Variants in FLI1 observed in about 807,000 individuals in gnomAD.
FLI1 encodes the protein Friend leukemia integration 1 transcription factor.
FLI1 carries 13 observed loss-of-function variants against 53.1 expected under a neutral mutation model. The ratio of observed to expected loss-of-function variants is 0.24; its 90% CI spans 0.16 to 0.39. FLI1 has a LOEUF of 0.39. Among genes scored for constraint, FLI1 ranks in the 10% least tolerant of loss-of-function variants. The probability of loss-of-function intolerance (pLI) is 1.00; values close to 1 mark genes in which losing one functional copy is unlikely to be tolerated. For missense variants in FLI1, 424 were observed against 600.5 expected (o/e 0.71, Z 3.07); for synonymous variants, 244 against 236.7 (o/e 1.03, Z -0.28).
Position 128,805,442 on chromosome 11 carries a change from G to A in FLI1, c.721+11G>A, listed in dbSNP as rs369329890. On this transcript the variant is annotated intron_variant, in intron 6 of 8. Transcript: ENST00000527786. Reference sequence around the variant, plus strand: ...CTGGCCTCAACAAAAGTAAGTAAATGTTTTATAGTTCTTTGGAGGAAAGCA... The same window carrying A: ...CTGGCCTCAACAAAAGTAAGTAAATATTTTATAGTTCTTTGGAGGAAAGCA... 2.7e-4 allele frequency: 415 copies of A among 1,519,700 alleles called. 1 individual carries two copies. The highest frequency in any genetic ancestry group is 5.5e-4 in the Admixed American group (29 of 52,530). 94.1% of individuals were successfully genotyped at this position (1,519,700 alleles called of 1,614,324 possible).
At chr11:128,727,780 C>A (rs1223646287) in intron 1 of FLI1, among the ~76,000 whole-genome samples, 1 of 152,210 alleles carries the variant, frequency 6.6e-6, no homozygotes, top group Non-Finnish European at 1.5e-5. Context: ...TCAGGAACCT[C>A]ATGAGCCAGT....
Position 128,807,258 on chromosome 11 carries a change from TA to T in FLI1, c.781+21del. On this transcript the variant is annotated intron_variant, in intron 7 of 8. Transcript: ENST00000527786. ...CAGCCAGGTACCTGCCCAGGATATG[TA>T]ATCTCTCCTTTGCTTCCTGCACAGT... 6.3e-7 allele frequency: 1 copy of T among 1,580,678 alleles called. No individual in the cohort carries two copies. The highest frequency in any genetic ancestry group is 8.6e-7 in the Non-Finnish European group (1 of 1,159,264).
intron 1 of FLI1, among the ~76,000 whole-genome samples, chr11:128,699,698 A>G (rs76396545): frequency 0.012 from 1,835 of 152,312 alleles, 41 homozygotes; most frequent in African/African-American, 0.041. Context: ...CAGTTCTGCC[A>G]CTGACCTGAT....
At chr11:128,688,767 G>A (rs920394318) in intron 1 of FLI1, among the ~76,000 whole-genome samples, 2 of 152,180 alleles carry the variant, frequency 1.3e-5, no homozygotes, top group African/African-American at 2.4e-5. Context: ...AGAGGGAAGA[G>A]GGTGACACTT....
At chr11:128,753,206 A>C (rs1387343162) in intron 1 of FLI1, among the ~76,000 whole-genome samples, 2 of 152,202 alleles carry the variant, frequency 1.3e-5, no homozygotes, top group Non-Finnish European at 2.9e-5. Context: ...CCAATGACTA[A>C]GCCAGCCCAG....
rs149549884 is a variant in FLI1 at position 128,733,250 on chromosome 11, T to G, written c.19-24865T>G. Among the ~76,000 whole-genome samples, 527 of 152,178 alleles carry G rather than the reference T, an allele frequency of 3.5e-3. 1 individual carries two copies. Among genetic ancestry groups the G allele is most frequent in the African/African-American group, 0.012 (516 of 41,512 alleles). The stretch of plus-strand genomic sequence containing the variant: ...CTGCACAAAATTCCCTTGGGGAGTG[T>G]AAAGAATGCTGATTCCTCGGCTCCA... On this transcript the variant is annotated intron_variant, in intron 1 of 8. Transcript: ENST00000527786.
chr11:128,704,418 T>C (rs1240730917), intron 1 of FLI1, among the ~76,000 whole-genome samples: 1 of 152,132 alleles, frequency 6.6e-6, no homozygotes, highest in Non-Finnish European at 1.5e-5. Context: ...AAACTAAGAA[T>C]AGGGCCTGAC....
At chr11:128,769,766 G>A (rs1034127581) in intron 3 of FLI1, among the ~76,000 whole-genome samples, 1 of 152,172 alleles carries the variant, frequency 6.6e-6, no homozygotes, top group Non-Finnish European at 1.5e-5. Flanking sequence ...TAGGTGCCAG[G>A]CACCACGTAA....
intron 1 of FLI1, among the ~76,000 whole-genome samples, chr11:128,757,514 C>G (rs776944106): frequency 6.6e-6 from 1 of 152,170 alleles, no homozygotes; most frequent in Non-Finnish European, 1.5e-5. Flanking sequence ...CTCATTTAAT[C>G]CACCTATCGA....
intron 2 of FLI1, among the ~76,000 whole-genome samples, chr11:128,767,887 G>A (rs550886195): frequency 5.9e-5 from 9 of 152,298 alleles, no homozygotes; most frequent in East Asian, 3.9e-4. Flanking sequence ...GCACTGAGGC[G>A]CTGCCAGCAG....
chr11:128,812,492 T>A lies in FLI1; in HGVS notation c.*1504T>A, dbSNP rs1942959022. The A allele has an allele frequency of 4.4e-6, 1 of 224,798 alleles. No homozygotes were observed. Among genetic ancestry groups the A allele is most frequent in the African/African-American group, 2.2e-5 (1 of 44,896 alleles). 13.9% of individuals were successfully genotyped at this position (224,798 alleles called of 1,614,324 possible). On this transcript the variant is annotated 3_prime_UTR_variant, in exon 9 of 9. Transcript: ENST00000527786. Reference sequence around the variant, plus strand: ...TCCCTGGGGAACTTTCCTATTTACTTCTTGCACTATCAAGAATTTTTCGAA... The same window carrying A: ...TCCCTGGGGAACTTTCCTATTTACTACTTGCACTATCAAGAATTTTTCGAA...
At chr11:128,747,880 C>T (rs1940468491) in intron 1 of FLI1, among the ~76,000 whole-genome samples, 1 of 152,234 alleles carries the variant, frequency 6.6e-6, no homozygotes, top group African/African-American at 2.4e-5. Flanking sequence ...ATCTCCCATC[C>T]TGTGAGTTTC....
chr11:128,753,500 C>A (rs1398412175), intron 1 of FLI1, among the ~76,000 whole-genome samples: 1 of 152,212 alleles, frequency 6.6e-6, no homozygotes, highest in East Asian at 1.9e-4. Context: ...GTTCTTCCTA[C>A]ACCCAGCCTA....
At chr11:128,685,958 T>TA (rs1374695696), upstream of FLI1, 9 of 187,990 alleles carry the variant, frequency 4.8e-5, no homozygotes, top group South Asian at 7.1e-4. Flanking sequence ...CAGACCTAAG[T>TA]AAGACTCTCC....
intron 1 of FLI1, among the ~76,000 whole-genome samples, chr11:128,741,776 T>G (rs1940149300): frequency 6.6e-6 from 1 of 152,146 alleles, no homozygotes; most frequent in African/African-American, 2.4e-5. Context: ...TGAAATCCCT[T>G]CCTTGGTAGC....
At chr11:128,802,314 G>C (rs962630543) in intron 5 of FLI1, among the ~76,000 whole-genome samples, 2 of 152,208 alleles carry the variant, frequency 1.3e-5, no homozygotes, top group Admixed American at 1.3e-4. Flanking sequence ...AGAGCCTACG[G>C]AGTGCTTTTG....
chr11:128,689,505 G>C (rs536568582), upstream of FLI1, among the ~76,000 whole-genome samples: 2 of 152,102 alleles, frequency 1.3e-5, no homozygotes, highest in African/African-American at 2.4e-5. Flanking sequence ...CCTGTCCCCC[G>C]GACGAAAGGA....
intron 1 of FLI1, among the ~76,000 whole-genome samples, chr11:128,737,799 G>A (rs112233582): frequency 1.1e-4 from 17 of 152,286 alleles, no homozygotes; most frequent in African/African-American, 3.4e-4. Flanking sequence ...CTTGTGGAAG[G>A]TTCACTTTCT....
intron 5 of FLI1, among the ~76,000 whole-genome samples, chr11:128,799,389 T>C (rs1032283560): frequency 6.6e-6 from 1 of 152,154 alleles, no homozygotes; most frequent in Non-Finnish European, 1.5e-5. Flanking sequence ...TGGAATAGAC[T>C]CCATGTATAT....
Sources: gnomAD v4.1 joint callset for allele counts (sites outside exome capture counted in the v4.1 genomes callset) on GRCh38, gnomAD v4.1.1 for gene constraint, MANE v1.5 for transcripts, NCBI Gene and HGNC (gene_info 2026-07-23, HGNC 2026-07-21) for gene names.